Variants in DDX54 observed in about 807,000 individuals in gnomAD.
The protein encoded by DDX54 is DEAD-box helicase 54.
DDX54 carries 67 observed loss-of-function variants against 105.5 expected under a neutral mutation model. The observed-to-expected ratio is 0.64, with a 90% CI of 0.52 to 0.78. The LOEUF (loss-of-function observed/expected upper bound fraction) is 0.78, where lower values mean the gene tolerates loss of function less well. DDX54 is among the 30% of genes least tolerant of loss of function. The pLI is 0.00. For synonymous variants in DDX54, 514 were observed against 509.9 expected, an observed-to-expected ratio of 1.01 and a Z score of -0.11; for missense variants, 1,206 against 1,230.5, an observed-to-expected ratio of 0.98 and a Z score of 0.30.
At chr12:113,180,145 G>A in intron 2 of DDX54, 140 bp from the exon 3 acceptor site, 1 of 819,034 alleles carries the variant, frequency 1.2e-6, no homozygotes, top group East Asian at 2.5e-5. Context: ...AAACTGAAAG[G>A]TGAAATGAGA....
chr12:113,179,716 C>T (rs145269215), intron 3 of DDX54, among the ~76,000 whole-genome samples: 7 of 152,330 alleles, frequency 4.6e-5, no homozygotes, highest in Non-Finnish European at 5.9e-5. Context: ...CAGCTGTGGG[C>T]AGCCTCCAGG....
rs1389203508 is a variant in DDX54 at position 113,174,842 on chromosome 12, CA to C, written c.936+32del. ...AGGGCCTGCAGGGCCCACCTGGACA[CA>C]ACCTCCTGGGATGGGACAGGTGCAG... is the stretch of plus-strand genomic sequence containing the variant. On this transcript the variant is annotated intron_variant, in intron 9 of 19. Transcript: ENST00000306014. The C allele has an allele frequency of 1.1e-5, 17 of 1,614,082 alleles. No individual in the cohort carries two copies. In the Admixed American group the frequency reaches 2.8e-4, roughly 27 times the overall value.
chr12:113,159,379 C>G, intron 19 of DDX54: 2 of 474,890 alleles, frequency 4.2e-6, no homozygotes, highest in Non-Finnish European at 7.4e-6. Context: ...CCTCAGTTTC[C>G]CCATCTATGA....
Position 113,163,069 on chromosome 12 carries a change from T to C in DDX54, c.2082-24A>G, listed in dbSNP as rs781714079. 16 of 1,609,314 alleles carry C rather than the reference T, an allele frequency of 9.9e-6. No individual in the cohort carries two copies. The East Asian group carries it at 2.5e-4, about 25-fold the overall frequency. ...GGCTGCAGAGGGAGAGTGGGAGACA[T>C]AATTGGATTGATGGGACCCAGCGGA... is the stretch of plus-strand genomic sequence containing the variant. On this transcript the variant is annotated intron_variant, in intron 16 of 19. Transcript: ENST00000306014. This position sits in a 1 kb window ranked among gnomAD's most constrained non-coding sequence, Gnocchi z 5.9.
Position 113,158,965 on chromosome 12 carries a change from CG to C in DDX54, c.2557del (p.Arg853AlafsTer43). 1.2e-6 allele frequency: 2 copies of C among 1,611,122 alleles called. No individual in the cohort carries two copies. The highest frequency in any genetic ancestry group is 1.7e-6 in the Non-Finnish European group (2 of 1,178,970). ...CAGCTCCTGGACGCGGCGGCGGTTG[CG>C]GGCAGAGAGCTGCTTGAGGCCACCA... ...QRGGLKQLSA[R>X]NRRRVQELQQ... On this transcript the variant is annotated frameshift_variant, in exon 20 of 20. Transcript: ENST00000306014. LOFTEE classifies it high-confidence loss of function. The surrounding 1 kb of genome is among the most constrained non-coding windows in gnomAD (Gnocchi z 4.9).
Position 113,165,886 on chromosome 12 carries a change from G to A in DDX54, c.1561C>T (p.Arg521Cys), listed in dbSNP as rs750860485. The change falls in exon 13 of 20, where the codon CGC becomes TGC. Residue 521 changes from arginine (R) to cysteine (C), a missense_variant. Coordinates refer to ENST00000306014, the MANE Select transcript of DDX54 (RefSeq NM_024072.4). ...VADNAQQQYV[R>C]SRPAPSPESI... The stretch of plus-strand genomic sequence containing the variant: ...TCAGGCGAGGGCGCCGGGCGTGAGC[G>A]CACATACTGCTGCTGGGCGTTATCA... 39 of 1,613,574 alleles carry A rather than the reference G, an allele frequency of 2.4e-5. No homozygotes were observed. The Admixed American group carries it at 4.0e-4, about 17-fold the overall frequency.
Position 113,173,953 on chromosome 12 carries a change from C to T in DDX54, c.1068+687G>A, listed in dbSNP as rs953530268. On this transcript the variant is annotated intron_variant, in intron 10 of 19. Transcript: ENST00000306014. ...ATCCCAGCACTTTAGGAGGCTGAGA[C>T]GGGCAGATCATTTGAGGTCAGGAGT... Among the ~76,000 whole-genome samples, 5 of 152,248 alleles carry T rather than the reference C, an allele frequency of 3.3e-5. No individual in the cohort carries two copies. The East Asian group carries it at 5.8e-4, about 18-fold the overall frequency.
At position 113,179,023 on chromosome 12, in the gene DDX54, C is replaced by G. The variant is rs1465774480; in HGVS notation, c.568G>C (p.Gly190Arg). 1.9e-6 allele frequency: 3 copies of G among 1,614,084 alleles called. No individual in the cohort carries two copies. The Admixed American group carries it at 5.0e-5, about 27-fold the overall frequency. Reference sequence around the variant, plus strand: ...GCAGTCTTGAGGCCAGTGAACTTGCCTAGCTGAGAAGAGAAAGTGATTGAG... The same window carrying G: ...GCAGTCTTGAGGCCAGTGAACTTGCGTAGCTGAGAAGAGAAAGTGATTGAG... ...LQTLKFTKELGKFTGLKTALI... is the reference protein window; with the variant it reads ...LQTLKFTKELRKFTGLKTALI... Residue 190 changes from glycine (G) to arginine (R), a missense_variant, in exon 5 of 20, where the codon GGC becomes CGC. Physicochemically the swap from Gly to Arg is moderately radical, Grantham distance 125 (BLOSUM62 -2). Around this residue, in one of 3 missense-constraint regions of DDX54, gnomAD observed 961 missense variants for 1,019.1 expected, o/e 0.94. Transcript: ENST00000306014.
Position 113,165,970 on chromosome 12 carries a change from T to C in DDX54, c.1477A>G (p.Ser493Gly), listed in dbSNP as rs752092143. 6.2e-7 allele frequency: 1 copy of C among 1,613,180 alleles called. No homozygotes were observed. Among genetic ancestry groups the C allele is most frequent in the East Asian group, 2.2e-5 (1 of 44,866 alleles). Residue 493 changes from serine (S) to glycine (G), a missense_variant, in exon 13 of 20, where the codon AGT becomes GGT. By Grantham distance (56) the Ser-to-Gly change is moderately conservative. Coordinates refer to ENST00000306014, the MANE Select transcript of DDX54 (RefSeq NM_024072.4). Reference protein sequence around the residue: ...VPQSVVDEEDSGLQSTLEASL... With the variant: ...VPQSVVDEEDGGLQSTLEASL... Reference sequence around the variant, plus strand: ...GCCTCCAGGGTGCTCTGCAGACCACTGTCCTCCTCGTCCACCACACTCTGT... The same window carrying C: ...GCCTCCAGGGTGCTCTGCAGACCACCGTCCTCCTCGTCCACCACACTCTGT...
intron 12 of DDX54, among the ~76,000 whole-genome samples, chr12:113,169,328 A>T (rs1360313217): frequency 3.3e-5 from 5 of 152,112 alleles, no homozygotes; most frequent in Admixed American, 6.5e-5. Flanking sequence ...CTCGTTAAAA[A>T]ATAGAAGGAA....
chr12:113,160,700 T>C (rs907831533), intron 19 of DDX54, among the ~76,000 whole-genome samples: 1 of 152,246 alleles, frequency 6.6e-6, no homozygotes, highest in African/African-American at 2.4e-5. Flanking sequence ...ACATCCCCTG[T>C]GATCGCCTCC....
rs1952315542 is a variant in DDX54 at position 113,169,819 on chromosome 12, C to T, written c.1365G>A (p.Leu455=). 2 of 1,614,088 alleles carry T rather than the reference C, an allele frequency of 1.2e-6. No homozygotes were observed. Among genetic ancestry groups the T allele is most frequent in the Non-Finnish European group, 1.7e-6 (2 of 1,180,026 alleles). ...DEIPYLLDLH[L]FLGRSLTLAR... ...CGAGGGTGAGGGAGCGGCCCAGGAACAGGTGCAGATCCAGCAGGTAGGGGA... is the reference window on the plus strand; with the variant it reads ...CGAGGGTGAGGGAGCGGCCCAGGAATAGGTGCAGATCCAGCAGGTAGGGGA... The change falls in exon 12 of 20, where the codon CTG becomes CTA. Residue 455 remains leucine, a synonymous_variant. Coordinates refer to ENST00000306014, the MANE Select transcript of DDX54 (RefSeq NM_024072.4).
Position 113,164,177 on chromosome 12 carries a change from C to CTG in DDX54, c.1827_1828insCA (p.Gly610GlnfsTer87). On this transcript the variant is annotated frameshift_variant, in exon 15 of 20. Transcript: ENST00000306014. LOFTEE classifies it high-confidence loss of function. ...GGGCCCTCCTGCTGCTCCTGCCGCC[C>CTG]CTGCTGTCCCTGCTGGAAGCGGGCG... 8 of 1,561,778 alleles carry CTG rather than the reference C, an allele frequency of 5.1e-6. No homozygotes were observed. The highest frequency in any genetic ancestry group is 6.9e-6 in the Non-Finnish European group (8 of 1,154,048).
At position 113,165,694 on chromosome 12, in the gene DDX54, GCTC is replaced by G; in HGVS notation, c.1666_1668del (p.Glu556del). The G allele has an allele frequency of 1.2e-6, 2 of 1,613,682 alleles. No individual in the cohort carries two copies. Among genetic ancestry groups the G allele is most frequent in the Non-Finnish European group, 1.7e-6 (2 of 1,179,820 alleles). ...CTGTCCACCAGCCTCAGCCGCTGCA[GCTC>G]CTCCTCCTCAAAACGCGAGCCTGGT... On this transcript the variant is annotated inframe_deletion, in exon 14 of 20. Coordinates refer to ENST00000306014, the MANE Select transcript of DDX54 (RefSeq NM_024072.4).
At position 113,179,034 on chromosome 12, in the gene DDX54, G is replaced by C. The variant is rs938918728; in HGVS notation, c.565-8C>G. ...GCCAGTGAACTTGCCTAGCTGAGAA[G>C]AGAAAGTGATTGAGAGAGGGCAGGG... On this transcript the variant is annotated splice_polypyrimidine_tract_variant and splice_region_variant and intron_variant, in intron 4 of 19. Coordinates refer to ENST00000306014, the MANE Select transcript of DDX54 (RefSeq NM_024072.4). The C allele has an allele frequency of 1.9e-6, 3 of 1,614,100 alleles. No homozygotes were observed. In the East Asian group the frequency reaches 6.7e-5, roughly 36 times the overall value.
At position 113,158,901 on chromosome 12, in the gene DDX54, C is replaced by T. The variant is rs771002131; in HGVS notation, c.2622G>A (p.Lys874=). The change falls in exon 20 of 20, where the codon AAG becomes AAA. Residue 874 remains lysine (K), a synonymous_variant. Coordinates refer to ENST00000306014, the MANE Select transcript of DDX54 (RefSeq NM_024072.4). The surrounding 1 kb of genome is among the most constrained non-coding windows in gnomAD (Gnocchi z 4.9). ...CTCACATCCTCTTCCGCATCTTGCC[C>T]TTCTTGGAGCGGGCACCCCGGCCGA... ...GAFGRGARSK[K]GKMRKRM 2.5e-6 allele frequency: 4 copies of T among 1,606,282 alleles called. No individual in the cohort carries two copies. The Middle Eastern group carries it at 6.6e-4, about 266-fold the overall frequency.
chr12:113,159,831 C>T (rs1026810336), intron 19 of DDX54, among the ~76,000 whole-genome samples: 1 of 152,108 alleles, frequency 6.6e-6, no homozygotes, highest in African/African-American at 2.4e-5. Context: ...CAAGCACCAC[C>T]CTCCCTGGCT....
At chr12:113,169,539 T>TGAA (rs1952311074) in intron 12 of DDX54, among the ~76,000 whole-genome samples, 1 of 152,038 alleles carries the variant, frequency 6.6e-6, no homozygotes, top group Non-Finnish European at 1.5e-5. Flanking sequence ...GAGAATGGCT[T>TGAA]GAACCTGGGA....
chr12:113,173,448 G>A (rs538022639), intron 10 of DDX54, among the ~76,000 whole-genome samples: 55 of 152,330 alleles, frequency 3.6e-4, no homozygotes, highest in Non-Finnish European at 7.3e-4. Context: ...TGTGTGTGGA[G>A]TAAGTGAAAC....
Sources: gnomAD v4.1 joint callset for allele counts (sites outside exome capture counted in the v4.1 genomes callset) on GRCh38, gnomAD v4.1.1 for gene constraint, gnomAD v4.1.1 regional missense constraint, Gnocchi (gnomAD v3.1) non-coding constraint, MANE v1.5 for transcripts, NCBI Gene and HGNC (gene_info 2026-07-23, HGNC 2026-07-21) for gene names.